Variants in NCBP1 observed in about 807,000 individuals in gnomAD.
NCBP1 encodes nuclear cap-binding protein subunit 1.
NCBP1 carries 16 observed loss-of-function variants against 111.7 expected under a neutral mutation model. The observed-to-expected ratio is 0.14, with a 90% CI of 0.10 to 0.22. The LOEUF is 0.22. NCBP1 is among the 10% of genes least tolerant of loss of function. The pLI is 1.00. For missense variants in NCBP1, 607 were observed against 957.5 expected (o/e 0.63, Z 4.83); for synonymous variants, 304 against 314.3 (o/e 0.97, Z 0.35).
chr9:97,644,983 A>G (rs1827294620), intron 4 of NCBP1, 134 bp from the exon 5 acceptor site: 1 of 530,778 alleles, frequency 1.9e-6, no homozygotes, highest in South Asian at 3.1e-5. Flanking sequence ...TATGCAAAAA[A>G]CAGGTAGTAG....
At chr9:97,648,899 G>A (rs767600752) in intron 8 of NCBP1, among the ~76,000 whole-genome samples, 26 of 151,946 alleles carry the variant, frequency 1.7e-4, no homozygotes, top group Admixed American at 7.9e-4. Context: ...TTGAGATTTC[G>A]CCATGTTGCC....
At chr9:97,650,473 T>C (rs1319225370) in intron 8 of NCBP1, 30 bp from the exon 9 acceptor site, 5 of 1,506,030 alleles carry the variant, frequency 3.3e-6, no homozygotes, top group Non-Finnish European at 4.6e-6. Context: ...TTTCTAGGCC[T>C]GTAGTGTACA....
chr9:97,668,786 G>A (rs1822777904), intron 20 of NCBP1, 60 bp from the exon 21 acceptor site: 3 of 1,554,524 alleles, frequency 1.9e-6, no homozygotes, highest in Middle Eastern at 1.7e-4. Flanking sequence ...TTCCCCTGGA[G>A]GAGATTTAAC....
At chr9:97,654,733 AAAAAC>A (rs1827598122) in intron 11 of NCBP1, 142 bp from the exon 12 acceptor site, 3 of 745,658 alleles carry the variant, frequency 4.0e-6, no homozygotes, top group African/African-American at 1.8e-5. Flanking sequence ...AGCTGTAAGA[AAAAAC>A]AAAAACAAGA....
intron 1 of NCBP1, 60 bp from the exon 2 acceptor site, chr9:97,640,734 A>G: frequency 7.4e-7 from 1 of 1,347,200 alleles, no homozygotes; most frequent in Non-Finnish European, 1.0e-6. Flanking sequence ...AAAAAGGTTA[A>G]ATAAAATTTG....
intron 5 of NCBP1, 36 bp downstream of exon 5, chr9:97,645,260 CTTGAGGGGTTA>C: frequency 6.8e-7 from 1 of 1,481,176 alleles, no homozygotes; most frequent in Non-Finnish European, 9.4e-7. Context: ...TTGAGGGGTT[CTTGAGGGGTTA>C]CTGAATCCTG....
chr9:97,668,806 T>A lies in NCBP1; in HGVS notation c.2017-40T>A, dbSNP rs146792545. ...CTGGAGGAGATTTAACACACTGGAA[T>A]CTAAATGGTATTTTCCTTTTGTTCA... On this transcript the variant is annotated intron_variant, in intron 20 of 22. Coordinates refer to ENST00000375147, the MANE Select transcript of NCBP1 (RefSeq NM_002486.5). The A allele has an allele frequency of 8.8e-4, 1,413 of 1,598,276 alleles. 12 individuals are homozygous for A. In the African/African-American group the frequency reaches 0.016, roughly 18 times the overall value.
At chr9:97,670,644 A>G (rs751371814) in intron 22 of NCBP1, among the ~76,000 whole-genome samples, 1 of 152,242 alleles carries the variant, frequency 6.6e-6, no homozygotes, top group Non-Finnish European at 1.5e-5. Flanking sequence ...CTCTGAGAGT[A>G]TTCATGGCTT....
rs1827394324 is a variant in NCBP1, at chr9:97,648,052, T to C, written c.726T>C (p.Asp242=). 2 of 1,614,024 alleles carry C rather than the reference T, an allele frequency of 1.2e-6. No homozygotes were observed. The part of the protein sequence containing the change: ...LWAQIQKLKK[D]RWQERHILRP... Reference sequence around the variant, plus strand: ...CCCAGATTCAGAAATTGAAAAAGGATCGCTGGCAGGAACGGCACATCCTAA... The same window carrying C: ...CCCAGATTCAGAAATTGAAAAAGGACCGCTGGCAGGAACGGCACATCCTAA... The change falls in exon 8 of 23, where the codon GAT becomes GAC. Residue 242 remains aspartate, a synonymous_variant. Transcript: ENST00000375147.
chr9:97,662,186 T>C (rs764497596), intron 17 of NCBP1, 42 bp downstream of exon 17: 8 of 1,460,602 alleles, frequency 5.5e-6, no homozygotes, highest in African/African-American at 2.8e-5. Context: ...TTTGGAATTT[T>C]GCTTGGTGAA....
intron 15 of NCBP1, 55 bp downstream of exon 15, chr9:97,658,798 T>C (rs1827746586): frequency 1.5e-6 from 2 of 1,314,518 alleles, no homozygotes; most frequent in Non-Finnish European, 2.2e-6. Flanking sequence ...CAAGTATATC[T>C]GAAGTTAGTT....
intron 15 of NCBP1, among the ~76,000 whole-genome samples, chr9:97,659,982 C>T (rs1827785702): frequency 6.6e-6 from 1 of 152,174 alleles, no homozygotes; most frequent in African/African-American, 2.4e-5. Context: ...CTTTCTAGCT[C>T]CACTTCCTTT....
intron 6 of NCBP1, 70 bp downstream of exon 6, chr9:97,645,802 A>T: frequency 6.5e-7 from 1 of 1,545,396 alleles, no homozygotes; most frequent in South Asian, 1.2e-5. Context: ...ATACCATTTG[A>T]GTTTCTCAAA....
chr9:97,650,685 G>T (rs1415156409), intron 9 of NCBP1, 85 bp downstream of exon 9: 7 of 1,154,152 alleles, frequency 6.1e-6, no homozygotes, highest in Non-Finnish European at 8.8e-6. Flanking sequence ...TGTTGAGAGT[G>T]TAAGAAAATT....
chr9:97,646,839 C>CA (rs1199961668), intron 6 of NCBP1, among the ~76,000 whole-genome samples: 1,990 of 53,834 alleles, frequency 0.037, 70 homozygotes, highest in East Asian at 0.13. Flanking sequence ...GACTCCGTCT[C>CA]AAAAAAAAAA....
intron 1 of NCBP1, 100 bp downstream of exon 1, chr9:97,634,015 G>C: frequency 7.4e-7 from 1 of 1,343,088 alleles, no homozygotes; most frequent in Non-Finnish European, 9.9e-7. Context: ...TCTTCTCCCC[G>C]GGAACGTGCG....
intron 10 of NCBP1, among the ~76,000 whole-genome samples, chr9:97,651,621 T>G (rs1564022479): frequency 6.6e-6 from 1 of 152,242 alleles, no homozygotes; most frequent in Admixed American, 6.5e-5. Context: ...TTATATAGTA[T>G]GTCTTCATTC....
intron 13 of NCBP1, 74 bp from the exon 14 acceptor site, chr9:97,655,937 C>A: frequency 7.0e-7 from 1 of 1,433,700 alleles, no homozygotes; most frequent in Non-Finnish European, 9.7e-7. Context: ...TATAAGTTAA[C>A]AGATAATTAT....
At chr9:97,636,046 G>T (rs989187151) in intron 1 of NCBP1, 11 of 152,194 alleles carry the variant, frequency 7.2e-5, no homozygotes, top group Admixed American at 1.3e-4. Flanking sequence ...GAGAACCTCA[G>T]AGTAAATAAG....
Sources: gnomAD v4.1 joint callset for allele counts (sites outside exome capture counted in the v4.1 genomes callset) on GRCh38, gnomAD v4.1.1 for gene constraint, MANE v1.5 for transcripts, NCBI Gene and HGNC (gene_info 2026-07-23, HGNC 2026-07-21) for gene names.